The following FYB2 variants were observed in gnomAD, a reference collection of about 807,000 sequenced individuals.
The protein encoded by FYB2 is FYN-binding protein 2.
In FYB2, 103 loss-of-function variants were observed where a neutral mutation model predicts 94.1. The observed-to-expected ratio is 1.09, with a 90% CI of 0.93 to 1.29. FYB2 has a LOEUF of 1.29. Among genes scored for constraint, FYB2 ranks in the 50% most tolerant of loss-of-function variants. The pLI, the probability that FYB2 is intolerant of heterozygous loss-of-function variation, is 0.00. For missense variants in FYB2, 896 were observed against 841.5 expected (o/e 1.06, Z -0.80); for synonymous variants, 293 against 287.9 (o/e 1.02, Z -0.18).
Position 56,747,573 on chromosome 1 carries a change from C to A in FYB2, c.1388-3307G>T, listed in dbSNP as rs544334587. ...GCTTCCAGCTTCACCCATGTCCTTG[C>A]AAAGGACATGAACTCATTCTTTTTT... On this transcript the variant is annotated intron_variant, in intron 9 of 19. Coordinates refer to ENST00000343433, the MANE Select transcript of FYB2 (RefSeq NM_001004303.5). Among the ~76,000 whole-genome samples the A allele has an allele frequency of 9.9e-5, 15 of 152,206 alleles. No individual in the cohort carries two copies. The South Asian group carries it at 1.2e-3, about 13-fold the overall frequency.
At chr1:56,738,680 A>G in intron 13 of FYB2, 27 bp from the exon 14 acceptor site, 2 of 1,608,076 alleles carry the variant, frequency 1.2e-6, no homozygotes, top group Non-Finnish European at 1.7e-6. Flanking sequence ...GACACAAAAG[A>G]GTTAAGGAAA....
In FYB2 at chr1:56,785,670, C is replaced by T. The variant is rs146792508; in HGVS notation, c.953+1505G>A. ...CTATAATCCCGTTTCTATACCATTTCTATACTTTCTACACTCTAAGTGTAC... is the reference window on the plus strand; with the variant it reads ...CTATAATCCCGTTTCTATACCATTTTTATACTTTCTACACTCTAAGTGTAC... On this transcript the variant is annotated intron_variant, in intron 4 of 19. Coordinates refer to ENST00000343433, the MANE Select transcript of FYB2 (RefSeq NM_001004303.5). 2.9e-3 allele frequency among the ~76,000 whole-genome samples: 440 copies of T among 152,286 alleles called. 7 individuals carry two copies. The highest frequency in any genetic ancestry group is 0.022 in the South Asian group (106 of 4,830).
At chr1:56,743,920 G>A in intron 11 of FYB2, 106 bp downstream of exon 11, 1 of 1,205,286 alleles carries the variant, frequency 8.3e-7, no homozygotes, top group Non-Finnish European at 1.2e-6. Flanking sequence ...CCCACAAATT[G>A]GCATTATTAA....
chr1:56,806,800 A>G (rs1168875417), intron 1 of FYB2, among the ~76,000 whole-genome samples: 1 of 152,202 alleles, frequency 6.6e-6, no homozygotes, highest in African/African-American at 2.4e-5. Context: ...CTTAAGCAAC[A>G]TTTAACTGCA....
At position 56,792,800 on chromosome 1, in the gene FYB2, C is replaced by T. The variant is rs776918136; in HGVS notation, c.13G>A (p.Gly5Arg). Reference sequence around the variant, plus strand: ...CGAAGTTCCTTGAAGTTTCTTACCCCTTCCTAAGGCAAAGAATAATCAAAC... The same window carrying T: ...CGAAGTTCCTTGAAGTTTCTTACCCTTTCCTAAGGCAAAGAATAATCAAAC... The part of the protein sequence containing the change: MEGE[G>R]VRNFKELRAK... The change falls in exon 2 of 20, where the codon GGG (glycine) becomes AGG (arginine). Residue 5 changes from glycine to arginine, a missense_variant. Transcript: ENST00000343433. The T allele has an allele frequency of 6.2e-7, 1 of 1,604,114 alleles. No individual in the cohort carries two copies. Among genetic ancestry groups the T allele is most frequent in the Non-Finnish European group, 8.5e-7 (1 of 1,174,740 alleles).
Position 56,817,309 on chromosome 1 carries a change from G to A in FYB2, c.9+1973C>T, listed in dbSNP as rs142762341. 9.3e-3 allele frequency among the ~76,000 whole-genome samples: 1,412 copies of A among 152,266 alleles called. 23 individuals are homozygous for A. Among genetic ancestry groups the A allele is most frequent in the African/African-American group, 0.031 (1,292 of 41,544 alleles). ...ATCTGCTGTTACTTCTCTGTAGAAT[G>A]TTCTTCTCTAAGATATCCACACAGC... is the stretch of plus-strand genomic sequence containing the variant. On this transcript the variant is annotated intron_variant, in intron 1 of 19. Transcript: ENST00000343433.
intron 1 of FYB2, among the ~76,000 whole-genome samples, chr1:56,798,675 G>T (rs1488917105): frequency 6.6e-6 from 1 of 152,040 alleles, no homozygotes; most frequent in Non-Finnish European, 1.5e-5. Flanking sequence ...ACAAAAATGG[G>T]CAAACACATG....
At chr1:56,790,321 C>T (rs1557651682) in intron 2 of FYB2, among the ~76,000 whole-genome samples, 1 of 152,214 alleles carries the variant, frequency 6.6e-6, no homozygotes, top group Non-Finnish European at 1.5e-5. Context: ...AAGTTCCTCT[C>T]TTCTTAGGCT....
rs368042852 is a variant in FYB2 at position 56,792,638 on chromosome 1, G to T, written c.175C>A (p.His59Asn). 1.9e-6 allele frequency: 3 copies of T among 1,614,104 alleles called. No individual in the cohort carries two copies. Among genetic ancestry groups the T allele is most frequent in the Non-Finnish European group, 2.5e-6 (3 of 1,180,000 alleles). Reference protein sequence around the residue: ...LANGKPLSSNHKQRTPYCSSS... With the variant: ...LANGKPLSSNNKQRTPYCSSS... ...GAACAGTATGGTGTGCGCTGCTTGT[G>T]GTTGGATGAGAGGGGTTTCCCATTG... Residue 59 changes from histidine (H) to asparagine (N), a missense_variant, in exon 2 of 20, where the codon CAC becomes AAC. By Grantham distance (68) the His-to-Asn change is moderately conservative (BLOSUM62 1). Coordinates refer to ENST00000343433, the MANE Select transcript of FYB2 (RefSeq NM_001004303.5).
intron 4 of FYB2, among the ~76,000 whole-genome samples, chr1:56,783,699 CGT>C (rs144286316): frequency 1.3e-5 from 2 of 151,220 alleles, no homozygotes; most frequent in Admixed American, 6.6e-5. Flanking sequence ...AACAAAGAAG[CGT>C]GTGTGTGTGT....
intron 9 of FYB2, among the ~76,000 whole-genome samples, chr1:56,748,919 C>T (rs1279569838): frequency 2.0e-5 from 3 of 151,900 alleles, no homozygotes; most frequent in Non-Finnish European, 2.9e-5. Flanking sequence ...TTTTATTTGT[C>T]TGACAACATC....
At chr1:56,758,926 G>T (rs1378147791) in intron 5 of FYB2, among the ~76,000 whole-genome samples, 176 bp from the exon 6 acceptor site, 1 of 152,146 alleles carries the variant, frequency 6.6e-6, no homozygotes, top group Non-Finnish European at 1.5e-5. Flanking sequence ...AGTGATCATG[G>T]TTTTAATTTC....
In FYB2 at chr1:56,792,621, T is replaced by C. The variant is rs1423634360; in HGVS notation, c.192A>G (p.Pro64=). 10 of 1,613,964 alleles carry C rather than the reference T, an allele frequency of 6.2e-6. No individual in the cohort carries two copies. The South Asian group carries it at 6.6e-5, about 11-fold the overall frequency. The change falls in exon 2 of 20, where the codon CCA becomes CCG. Residue 64 remains proline, a synonymous_variant. Coordinates refer to ENST00000343433, the MANE Select transcript of FYB2 (RefSeq NM_001004303.5). ...GCTGGGACTCACTACTGGAACAGTATGGTGTGCGCTGCTTGTGGTTGGATG... is the reference window on the plus strand; with the variant it reads ...GCTGGGACTCACTACTGGAACAGTACGGTGTGCGCTGCTTGTGGTTGGATG... ...PLSSNHKQRT[P]YCSSSESQPL...
chr1:56,819,173 A>G, intron 1 of FYB2, 109 bp downstream of exon 1: 2 of 1,239,868 alleles, frequency 1.6e-6, no homozygotes, highest in Non-Finnish European at 2.2e-6. Flanking sequence ...ATTCCTGCCC[A>G]GGAGGCAGCA....
chr1:56,812,550 C>A (rs910565082), intron 1 of FYB2, among the ~76,000 whole-genome samples: 6 of 152,128 alleles, frequency 3.9e-5, no homozygotes, highest in Non-Finnish European at 5.9e-5. Context: ...TTATTTGTAA[C>A]TTCTCTGTAT....
intron 5 of FYB2, among the ~76,000 whole-genome samples, chr1:56,762,776 G>T (rs1437992053): frequency 6.6e-6 from 1 of 152,110 alleles, no homozygotes; most frequent in East Asian, 1.9e-4. Context: ...GCACTATGTT[G>T]AATAGCAATG....
chr1:56,800,593 A>C (rs959717524), intron 1 of FYB2, among the ~76,000 whole-genome samples: 10 of 152,174 alleles, frequency 6.6e-5, no homozygotes, highest in Admixed American at 5.2e-4. Flanking sequence ...GCTCCATTAA[A>C]TGTGTGACCT....
chr1:56,728,256 G>A (rs1016570341), intron 15 of FYB2, among the ~76,000 whole-genome samples: 2 of 151,822 alleles, frequency 1.3e-5, no homozygotes, highest in Non-Finnish European at 2.9e-5. Flanking sequence ...CTGTCAAAAC[G>A]TTACCTGTCT....
intron 9 of FYB2, among the ~76,000 whole-genome samples, chr1:56,747,381 A>G (rs745594072): frequency 6.6e-6 from 1 of 151,756 alleles, no homozygotes; most frequent in Non-Finnish European, 1.5e-5. Context: ...TGCACTAAGT[A>G]TTTGTCCTAA....
Sources: allele counts gnomAD v4.1 joint callset (sites outside exome capture counted in the v4.1 genomes callset), GRCh38; gene constraint gnomAD v4.1.1; transcripts MANE v1.5; gene names NCBI Gene and HGNC (gene_info 2026-07-23, HGNC 2026-07-21).